SNX29: variants seen among roughly 807,000 people sequenced by gnomAD.
SNX29 encodes the protein sorting nexin 29, also known as sorting nexin-29.
In SNX29, 78 loss-of-function variants were observed where a neutral mutation model predicts 102.1. The observed-to-expected ratio is 0.76, with a 90% CI of 0.64 to 0.92. SNX29 has a LOEUF of 0.92. Among genes scored for constraint, SNX29 ranks in the 40% least tolerant of loss-of-function variants. The pLI is 0.00. For missense variants in SNX29, 1,280 were observed against 1,061.7 expected, an observed-to-expected ratio of 1.21 and a Z score of -2.86; for synonymous variants, 580 against 414.5, an observed-to-expected ratio of 1.40 and a Z score of -4.85.
intron 15 of SNX29, among the ~76,000 whole-genome samples, chr16:12,283,478 C>G (rs1183528743): frequency 6.6e-6 from 1 of 152,106 alleles, no homozygotes; most frequent in Admixed American, 6.5e-5. Context: ...CATCACCATG[C>G]CCAGCTAATT....
chr16:12,144,145 G>T (rs908367832), intron 13 of SNX29, among the ~76,000 whole-genome samples: 4 of 152,092 alleles, frequency 2.6e-5, no homozygotes, highest in African/African-American at 9.7e-5. Flanking sequence ...AAGTAGCAAG[G>T]ACTTAAGAGA....
chr16:12,425,835 C>CT (rs1347128059), intron 18 of SNX29, among the ~76,000 whole-genome samples: 2 of 152,064 alleles, frequency 1.3e-5, no homozygotes, highest in East Asian at 3.9e-4. Context: ...TTTTTTCATG[C>CT]TGCTTTTTTC....
At chr16:12,315,511 T>C (rs2080703664) in intron 15 of SNX29, among the ~76,000 whole-genome samples, 1 of 152,134 alleles carries the variant, frequency 6.6e-6, no homozygotes, top group Non-Finnish European at 1.5e-5. Context: ...TGTGAATGTA[T>C]ATGGAGATAG....
intron 16 of SNX29, 39 bp from the exon 17 acceptor site, chr16:12,398,407 T>A (rs967918463): frequency 1.2e-6 from 2 of 1,605,832 alleles, no homozygotes; most frequent in Non-Finnish European, 1.7e-6. Context: ...GTAACCATTA[T>A]GCATTTTTTC....
At chr16:12,226,521 C>T (rs1305323744) in intron 14 of SNX29, among the ~76,000 whole-genome samples, 1 of 151,148 alleles carries the variant, frequency 6.6e-6, no homozygotes, top group East Asian at 1.9e-4. Context: ...TCTGTTTATT[C>T]TAGAAAGAGG....
chr16:12,043,265 G>A (rs2049959305), intron 5 of SNX29, among the ~76,000 whole-genome samples, 188 bp downstream of exon 5: 1 of 152,180 alleles, frequency 6.6e-6, no homozygotes, highest in Non-Finnish European at 1.5e-5. Context: ...GAGACTGCCT[G>A]TAAAGGGCTC....
At chr16:12,233,522 C>T (rs1010109911) in intron 14 of SNX29, among the ~76,000 whole-genome samples, 2 of 152,100 alleles carry the variant, frequency 1.3e-5, no homozygotes, top group Non-Finnish European at 2.9e-5. Flanking sequence ...CATTTTTACC[C>T]CAAACCTTGG....
rs555144378 is a variant in SNX29 at position 12,570,870 on chromosome 16, C to G, written c.*2241C>G. 1.3e-5 allele frequency: 3 copies of G among 231,830 alleles called. No homozygotes were observed. Among genetic ancestry groups the G allele is most frequent in the Non-Finnish European group, 2.6e-5 (3 of 117,310 alleles). The allele number at this position is 231,830 out of a possible 1,614,324, so 14.4% of individuals were successfully genotyped here. Reference sequence around the variant, plus strand: ...AACTGGTGGGAGAAACTGCCTCCTACTTTTATAATACTGAATTATTCACAA... The same window carrying G: ...AACTGGTGGGAGAAACTGCCTCCTAGTTTTATAATACTGAATTATTCACAA... On this transcript the variant is annotated 3_prime_UTR_variant, in exon 21 of 21. Coordinates refer to ENST00000566228, the MANE Select transcript of SNX29 (RefSeq NM_032167.5).
intron 19 of SNX29, among the ~76,000 whole-genome samples, chr16:12,488,127 A>G (rs1410977025): frequency 6.6e-6 from 1 of 152,196 alleles, no homozygotes; most frequent in Non-Finnish European, 1.5e-5. Context: ...ATATCAAATT[A>G]AAATCCAGTA....
intron 20 of SNX29, among the ~76,000 whole-genome samples, chr16:12,529,962 C>T (rs1408263532): frequency 6.6e-6 from 1 of 152,160 alleles, no homozygotes; most frequent in South Asian, 2.1e-4. Flanking sequence ...GTGGTGATGC[C>T]ATGCAAGAGA....
chr16:12,180,090 C>G (rs548652273), intron 13 of SNX29, among the ~76,000 whole-genome samples: 9 of 152,100 alleles, frequency 5.9e-5, no homozygotes, highest in African/African-American at 2.2e-4. Flanking sequence ...TCTCCAGGGG[C>G]TTCTGTTTTC....
At chr16:12,399,113 C>T (rs555157397) in intron 17 of SNX29, among the ~76,000 whole-genome samples, 4 of 152,274 alleles carry the variant, frequency 2.6e-5, no homozygotes, top group Admixed American at 6.5e-5. Flanking sequence ...TGCAGTGGCA[C>T]GATCTCGGCT....
intron 19 of SNX29, among the ~76,000 whole-genome samples, chr16:12,510,778 A>G (rs1297956675): frequency 6.6e-6 from 1 of 152,152 alleles, no homozygotes; most frequent in Non-Finnish European, 1.5e-5. Context: ...TGCAAAGTCA[A>G]AAGCAAAGAA....
intron 15 of SNX29, among the ~76,000 whole-genome samples, chr16:12,281,936 T>C (rs1359555395): frequency 2.0e-5 from 3 of 151,838 alleles, no homozygotes; most frequent in Non-Finnish European, 4.4e-5. Context: ...TCTCAAAAAT[T>C]AGCCGGTCAT....
intron 20 of SNX29, among the ~76,000 whole-genome samples, chr16:12,565,847 C>G (rs774311605): frequency 5.3e-5 from 8 of 152,198 alleles, no homozygotes; most frequent in Admixed American, 6.5e-5. Context: ...TCTGCCTCCT[C>G]CGGGAAGCCC....
chr16:12,475,058 G>A (rs747503986), intron 18 of SNX29, among the ~76,000 whole-genome samples: 1 of 152,214 alleles, frequency 6.6e-6, no homozygotes, highest in Non-Finnish European at 1.5e-5. Context: ...GCATAGCTGC[G>A]CTATTCGTAG....
chr16:12,243,588 A>G, intron 14 of SNX29, among the ~76,000 whole-genome samples: 1 of 152,204 alleles, frequency 6.6e-6, no homozygotes, highest in East Asian at 1.9e-4. Context: ...GTTTCATGGA[A>G]GACAATTTTT....
At chr16:12,291,715 T>C (rs1173321166) in intron 15 of SNX29, among the ~76,000 whole-genome samples, 1 of 152,206 alleles carries the variant, frequency 6.6e-6, no homozygotes, top group African/African-American at 2.4e-5. Flanking sequence ...GGATCTGGCT[T>C]GTGCTAAGAC....
intron 16 of SNX29, among the ~76,000 whole-genome samples, chr16:12,392,730 C>A (rs2083572798): frequency 6.6e-6 from 1 of 152,206 alleles, no homozygotes; most frequent in African/African-American, 2.4e-5. Context: ...GAATCCTTGA[C>A]CTCAGCTGTT....
Sources: gnomAD v4.1 joint callset for allele counts (sites outside exome capture counted in the v4.1 genomes callset) on GRCh38, gnomAD v4.1.1 for gene constraint, MANE v1.5 for transcripts, NCBI Gene and HGNC (gene_info 2026-07-23, HGNC 2026-07-21) for gene names.